Variants in NMNAT3 observed in about 807,000 individuals in gnomAD.
NMNAT3 encodes the protein nicotinamide nucleotide adenylyltransferase 3, also known as nicotinamide/nicotinic acid mononucleotide adenylyltransferase 3.
In NMNAT3, 21 loss-of-function variants were observed where a neutral mutation model predicts 24.8. The ratio of observed to expected loss-of-function variants is 0.85; its 90% CI spans 0.60 to 1.22. The LOEUF (loss-of-function observed/expected upper bound fraction) is 1.22, where lower values mean the gene tolerates loss of function less well. Ranked by LOEUF, NMNAT3 falls within the 50% of genes most tolerant of loss-of-function variation. The probability of loss-of-function intolerance (pLI) is 0.00; values close to 1 mark genes in which losing one functional copy is unlikely to be tolerated. For synonymous variants in NMNAT3, 136 were observed against 155.2 expected (o/e 0.88, Z 0.92); for missense variants, 387 against 436.6 (o/e 0.89, Z 1.01).
intron 1 of NMNAT3, among the ~76,000 whole-genome samples, chr3:139,659,597 TA>T (rs144512048): frequency 0.048 from 7,303 of 152,186 alleles, 212 homozygotes; most frequent in Admixed American, 0.097. Context: ...AACAAACATA[TA>T]GGGGGGAGTA....
chr3:139,630,350 CTG>C (rs2056241750), intron 2 of NMNAT3, among the ~76,000 whole-genome samples: 1 of 152,206 alleles, frequency 6.6e-6, no homozygotes, highest in Non-Finnish European at 1.5e-5. Context: ...AACTAATTCA[CTG>C]TGGCTGCCAC....
At chr3:139,664,610 T>A (rs1311530953) in intron 1 of NMNAT3, among the ~76,000 whole-genome samples, 1 of 152,212 alleles carries the variant, frequency 6.6e-6, no homozygotes, top group African/African-American at 2.4e-5. Context: ...CCTAGCACCA[T>A]CATCTATTTG....
chr3:139,623,233 G>T (rs1162972523), intron 3 of NMNAT3, among the ~76,000 whole-genome samples: 1 of 151,894 alleles, frequency 6.6e-6, no homozygotes. Flanking sequence ...TGTAAATTTT[G>T]TTAGAAATTA....
chr3:139,633,077 C>T (rs1050310757), intron 2 of NMNAT3, among the ~76,000 whole-genome samples: 2 of 152,050 alleles, frequency 1.3e-5, no homozygotes, highest in Non-Finnish European at 2.9e-5. Flanking sequence ...CTGGAGAAGG[C>T]GAGGAAATGA....
intron 6 of NMNAT3, among the ~76,000 whole-genome samples, chr3:139,562,253 C>T (rs1936515118): frequency 6.6e-6 from 1 of 152,160 alleles, no homozygotes; most frequent in African/African-American, 2.4e-5. Flanking sequence ...AGCCATCCTC[C>T]AGGTGTGGCA....
intron 3 of NMNAT3, among the ~76,000 whole-genome samples, chr3:139,603,114 A>G (rs1457090393): frequency 6.6e-6 from 1 of 152,222 alleles, no homozygotes; most frequent in Non-Finnish European, 1.5e-5. Flanking sequence ...AAGTGATCAA[A>G]TATGTTTGGG....
chr3:139,629,580 G>A (rs1273449123), intron 2 of NMNAT3, among the ~76,000 whole-genome samples: 1 of 152,188 alleles, frequency 6.6e-6, no homozygotes, highest in East Asian at 1.9e-4. Flanking sequence ...TTGCTGTGAT[G>A]GTCTTAGCTG....
intron 3 of NMNAT3, among the ~76,000 whole-genome samples, chr3:139,622,780 G>GTGTGT: frequency 7.4e-6 from 1 of 135,868 alleles, no homozygotes; most frequent in Non-Finnish European, 1.5e-5. Flanking sequence ...TCATATATAT[G>GTGTGT]ATATATATAT....
intron 2 of NMNAT3, among the ~76,000 whole-genome samples, chr3:139,629,014 G>A (rs2056175918): frequency 2.0e-5 from 3 of 152,144 alleles, no homozygotes; most frequent in Non-Finnish European, 2.9e-5. Flanking sequence ...GTTTAAGATG[G>A]CTCCCAATGA....
chr3:139,601,995 T>A (rs1188410086), intron 3 of NMNAT3, among the ~76,000 whole-genome samples: 1 of 152,260 alleles, frequency 6.6e-6, no homozygotes, highest in African/African-American at 2.4e-5. Flanking sequence ...GCCTTGATTC[T>A]GCATTAACAT....
chr3:139,665,952 A>C (rs1160789006), intron 1 of NMNAT3, among the ~76,000 whole-genome samples: 1 of 152,098 alleles, frequency 6.6e-6, no homozygotes, highest in African/African-American at 2.4e-5. Flanking sequence ...ATGAGATGAG[A>C]GGGAATATTT....
At chr3:139,567,926 C>A (rs922854297) in intron 6 of NMNAT3, 3 of 152,202 alleles carry the variant, frequency 2.0e-5, no homozygotes, top group African/African-American at 7.2e-5. Flanking sequence ...GTACCAGCTC[C>A]TCTTTGTACC....
At chr3:139,674,464 A>C (rs2057859832) in intron 1 of NMNAT3, among the ~76,000 whole-genome samples, 1 of 152,206 alleles carries the variant, frequency 6.6e-6, no homozygotes, top group Non-Finnish European at 1.5e-5. Flanking sequence ...ATAAACGAGC[A>C]AAGACAGACA....
At chr3:139,646,889 A>G (rs915164600) in intron 1 of NMNAT3, among the ~76,000 whole-genome samples, 1 of 152,230 alleles carries the variant, frequency 6.6e-6, no homozygotes, top group African/African-American at 2.4e-5. Flanking sequence ...CACGAACCTT[A>G]TCCTTGTATT....
At chr3:139,662,808 C>T (rs2057458518) in intron 1 of NMNAT3, among the ~76,000 whole-genome samples, 1 of 152,162 alleles carries the variant, frequency 6.6e-6, no homozygotes, top group Non-Finnish European at 1.5e-5. Flanking sequence ...AGACACCTGC[C>T]CATCAGCTAC....
chr3:139,574,112 G>A (rs1489337034), intron 5 of NMNAT3, among the ~76,000 whole-genome samples: 1 of 152,224 alleles, frequency 6.6e-6, no homozygotes, highest in Admixed American at 6.5e-5. Flanking sequence ...AGGTGAATGA[G>A]CCATGCACAT....
chr3:139,660,807 AAAGT>A (rs1427663886), intron 1 of NMNAT3, among the ~76,000 whole-genome samples: 1 of 143,408 alleles, frequency 7.0e-6, no homozygotes, highest in African/African-American at 2.6e-5. Flanking sequence ...GGAAAAATAC[AAAGT>A]AAGAGGAGGC....
chr3:139,589,947 G>A (rs2054095252), intron 3 of NMNAT3, among the ~76,000 whole-genome samples: 1 of 152,116 alleles, frequency 6.6e-6, no homozygotes, highest in Non-Finnish European at 1.5e-5. Flanking sequence ...AAAGCAGAAG[G>A]CATGGGATCC....
At chr3:139,604,876 C>T (rs892919690) in intron 3 of NMNAT3, among the ~76,000 whole-genome samples, 1 of 152,132 alleles carries the variant, frequency 6.6e-6, no homozygotes, top group East Asian at 1.9e-4. Context: ...AAAAAAGACA[C>T]GAAAAACCAA....
Sources: gnomAD v4.1 joint callset for allele counts (sites outside exome capture counted in the v4.1 genomes callset) on GRCh38, gnomAD v4.1.1 for gene constraint, MANE v1.5 for transcripts, NCBI Gene and HGNC (gene_info 2026-07-23, HGNC 2026-07-21) for gene names.